TAFA1: variants seen among roughly 807,000 people sequenced by gnomAD.
The protein encoded by TAFA1 is chemokine-like protein TAFA-1.
Under a neutral mutation model 18.5 loss-of-function variants are expected in TAFA1, and 4 were observed. That is an observed-to-expected ratio of 0.22 (90% CI 0.11 to 0.49). The LOEUF (loss-of-function observed/expected upper bound fraction) is 0.49. Ranked by LOEUF, TAFA1 falls within the 20% of genes least tolerant of loss-of-function variation. TAFA1 has a pLI of 0.98. For missense variants in TAFA1, 147 were observed against 169.0 expected (o/e 0.87, Z 0.72); for synonymous variants, 56 against 55.2 (o/e 1.01, Z -0.06).
chr3:68,383,606 C>T (rs537689735), intron 2 of TAFA1, among the ~76,000 whole-genome samples: 4 of 152,154 alleles, frequency 2.6e-5, no homozygotes, highest in African/African-American at 4.8e-5. Context: ...AGGATTTTTG[C>T]GTTGATGTTC....
chr3:68,503,910 A>G (rs2072704414), intron 3 of TAFA1, among the ~76,000 whole-genome samples: 1 of 152,140 alleles, frequency 6.6e-6, no homozygotes, highest in African/African-American at 2.4e-5. Flanking sequence ...TATAATGACA[A>G]TTACCTTGAT....
chr3:68,090,380 C>T (rs6548978), intron 2 of TAFA1, among the ~76,000 whole-genome samples: 147,261 of 152,298 alleles, frequency 0.97, 71,230 homozygotes, highest in African/African-American at 0.98. Context: ...ATGACCAGGA[C>T]ACTAACAATT....
intron 3 of TAFA1, among the ~76,000 whole-genome samples, chr3:68,470,705 G>C (rs4491906): frequency 1.3e-5 from 2 of 152,196 alleles, no homozygotes; most frequent in Non-Finnish European, 1.5e-5. Flanking sequence ...ATGCATTCAA[G>C]AGGTGATTTA....
intron 2 of TAFA1, among the ~76,000 whole-genome samples, chr3:68,112,263 T>A (rs967909390): frequency 3.3e-5 from 5 of 152,098 alleles, no homozygotes; most frequent in African/African-American, 1.2e-4. Context: ...AAGTAGAAAT[T>A]CTAAACAAAT....
intron 3 of TAFA1, among the ~76,000 whole-genome samples, chr3:68,485,266 A>T (rs147477796): frequency 6.6e-6 from 1 of 152,308 alleles, no homozygotes; most frequent in Non-Finnish European, 1.5e-5. Flanking sequence ...GCTTTGCCAG[A>T]TGTCTAACTG....
chr3:68,118,654 A>T (rs1047348513), intron 2 of TAFA1, among the ~76,000 whole-genome samples: 1 of 152,188 alleles, frequency 6.6e-6, no homozygotes, highest in African/African-American at 2.4e-5. Context: ...GACTTATTTC[A>T]CGTAGCATAA....
intron 2 of TAFA1, among the ~76,000 whole-genome samples, chr3:68,287,539 C>T (rs1022972116): frequency 7.9e-5 from 12 of 152,056 alleles, no homozygotes; most frequent in African/African-American, 2.9e-4. Context: ...CCCTTAAAGT[C>T]CAGAAGCGTG....
chr3:68,458,082 G>C (rs1213437500), intron 3 of TAFA1, among the ~76,000 whole-genome samples: 1 of 152,152 alleles, frequency 6.6e-6, no homozygotes, highest in Non-Finnish European at 1.5e-5. Context: ...GCTGAGGAGA[G>C]GCTTGGTGGG....
intron 3 of TAFA1, among the ~76,000 whole-genome samples, chr3:68,506,911 A>G (rs2072768192): frequency 6.6e-6 from 1 of 152,084 alleles, no homozygotes; most frequent in South Asian, 2.1e-4. Context: ...GCAATAGAAT[A>G]TTCTACATTA....
chr3:68,124,618 G>A (rs1010418872), intron 2 of TAFA1, among the ~76,000 whole-genome samples: 5 of 152,198 alleles, frequency 3.3e-5, no homozygotes, highest in Non-Finnish European at 5.9e-5. Context: ...TTTCCACAGT[G>A]TCTTAAACAC....
At chr3:68,494,282 TAG>T (rs1200945783) in intron 3 of TAFA1, among the ~76,000 whole-genome samples, 1 of 152,192 alleles carries the variant, frequency 6.6e-6, no homozygotes, top group Non-Finnish European at 1.5e-5. Context: ...GTATAAGTTT[TAG>T]ACCTGTCACT....
At chr3:68,218,573 G>A (rs2066690950) in intron 2 of TAFA1, among the ~76,000 whole-genome samples, 1 of 152,076 alleles carries the variant, frequency 6.6e-6, no homozygotes, top group Non-Finnish European at 1.5e-5. Flanking sequence ...CAGGTATCCA[G>A]TCTATGAAAG....
intron 2 of TAFA1, among the ~76,000 whole-genome samples, chr3:68,033,410 G>A (rs925803613): frequency 3.9e-5 from 6 of 152,118 alleles, no homozygotes; most frequent in African/African-American, 9.7e-5. Context: ...GATTATAAAG[G>A]TTGTACTTTT....
rs147901604 is a variant in TAFA1, at chr3:68,311,572, G to A, written c.119-105708G>A. On this transcript the variant is annotated intron_variant, in intron 2 of 4. Transcript: ENST00000478136. ...TACAAATCCAAAATCCAGCAGGGCAGTCAAATCTTAAAGCTCCAAAATGAT... is the reference window on the plus strand; with the variant it reads ...TACAAATCCAAAATCCAGCAGGGCAATCAAATCTTAAAGCTCCAAAATGAT... 3.6e-3 allele frequency among the ~76,000 whole-genome samples: 545 copies of A among 152,344 alleles called. 5 individuals are homozygous for A. The highest frequency in any genetic ancestry group is 0.034 in the East Asian group (177 of 5,176).
chr3:68,376,312 T>G (rs1479935806), intron 2 of TAFA1, among the ~76,000 whole-genome samples: 2 of 152,002 alleles, frequency 1.3e-5, no homozygotes, highest in Non-Finnish European at 2.9e-5. Context: ...ATAGGGAAAC[T>G]TGTGTCATGG....
At chr3:68,324,172 T>C (rs1434338392) in intron 2 of TAFA1, among the ~76,000 whole-genome samples, 1 of 152,204 alleles carries the variant, frequency 6.6e-6, no homozygotes, top group Non-Finnish European at 1.5e-5. Context: ...TAGACTTTTT[T>C]TCATAAAGCT....
chr3:68,393,248 A>C (rs2070300151), intron 2 of TAFA1, among the ~76,000 whole-genome samples: 1 of 152,164 alleles, frequency 6.6e-6, no homozygotes, highest in Non-Finnish European at 1.5e-5. Flanking sequence ...ATAAACTGGA[A>C]AATCTAGAAG....
chr3:68,500,361 A>T (rs985555948), intron 3 of TAFA1, among the ~76,000 whole-genome samples: 1 of 152,214 alleles, frequency 6.6e-6, no homozygotes, highest in Non-Finnish European at 1.5e-5. Context: ...ATGAAAGGAC[A>T]TAAAATATAA....
At chr3:68,506,081 C>T (rs117047527) in intron 3 of TAFA1, among the ~76,000 whole-genome samples, 9 of 151,930 alleles carry the variant, frequency 5.9e-5, no homozygotes, top group Admixed American at 2.6e-4. Flanking sequence ...GATGTTCCCC[C>T]CTCTGTGTCC....
Sources: allele counts gnomAD v4.1 joint callset (sites outside exome capture counted in the v4.1 genomes callset), GRCh38; gene constraint gnomAD v4.1.1; transcripts MANE v1.5; gene names NCBI Gene and HGNC (gene_info 2026-07-23, HGNC 2026-07-21).